Variants in DAB1 observed in about 807,000 individuals in gnomAD.
DAB1 encodes disabled homolog 1.
Under a neutral mutation model 64.6 loss-of-function variants are expected in DAB1, and 15 were observed. That is an observed-to-expected ratio of 0.23 (90% CI 0.16 to 0.36). The LOEUF (loss-of-function observed/expected upper bound fraction) is 0.36. Among genes scored for constraint, DAB1 ranks in the 10% least tolerant of loss-of-function variants. The pLI is 1.00. For synonymous variants in DAB1, 235 were observed against 251.9 expected (o/e 0.93, Z 0.64); for missense variants, 596 against 706.7 (o/e 0.84, Z 1.78).
chr1:57,252,158 C>T (rs939119575), intron 2 of DAB1, among the ~76,000 whole-genome samples: 8 of 152,190 alleles, frequency 5.3e-5, no homozygotes, highest in African/African-American at 7.2e-5. Flanking sequence ...TGTAAAGATA[C>T]ATTCATTTGC....
At chr1:58,135,336 G>C (rs933007750) in intron 5 of DAB1, among the ~76,000 whole-genome samples, 1 of 152,126 alleles carries the variant, frequency 6.6e-6, no homozygotes, top group Non-Finnish European at 1.5e-5. Flanking sequence ...GGTTATTATA[G>C]ACAATCAATT....
chr1:58,372,623 T>C (rs1186861170), intron 3 of DAB1, among the ~76,000 whole-genome samples: 1 of 152,170 alleles, frequency 6.6e-6, no homozygotes, highest in Admixed American at 6.5e-5. Context: ...TGTCTCTATC[T>C]CTCCACCCAA....
At chr1:58,136,603 T>C (rs1179981149) in intron 5 of DAB1, among the ~76,000 whole-genome samples, 1 of 152,222 alleles carries the variant, frequency 6.6e-6, no homozygotes, top group Admixed American at 6.5e-5. Context: ...ATTGAAAGCA[T>C]TAACTGCAAA....
At position 57,147,034 on chromosome 1, in the gene DAB1, C is replaced by CT. The variant is rs71681386; in HGVS notation, c.68-1606dup. Among the ~76,000 whole-genome samples the CT allele has an allele frequency of 2.1e-3, 305 of 143,560 alleles. 2 individuals carry two copies. The highest frequency in any genetic ancestry group is 8.5e-3 in the Admixed American group (122 of 14,360). The allele number at this position is 143,560 out of a possible 152,430, so 94.2% of individuals were successfully genotyped here. ...AAATGGTAGCTGTCCCACTGTTTTTCTTTTTTTTTTTTTTGAAACAGTATC... is the reference window on the plus strand; with the variant it reads ...AAATGGTAGCTGTCCCACTGTTTTTCTTTTTTTTTTTTTTTGAAACAGTATC... On this transcript the variant is annotated intron_variant, in intron 2 of 14. Coordinates refer to ENST00000371236, the MANE Select transcript of DAB1 (RefSeq NM_001365792.1).
intron 5 of DAB1, among the ~76,000 whole-genome samples, chr1:57,961,358 T>G (rs1645517013): frequency 6.6e-6 from 1 of 152,160 alleles, no homozygotes; most frequent in African/African-American, 2.4e-5. Context: ...ACCTCTAAAC[T>G]TTTCAATTTC....
intron 1 of DAB1, chr1:57,862,881 A>G (rs1489459531): frequency 1.3e-5 from 2 of 152,200 alleles, no homozygotes; most frequent in Non-Finnish European, 2.9e-5. Context: ...AACTTTTTAA[A>G]CAGTTGAAAA....
intron 7 of DAB1, among the ~76,000 whole-genome samples, chr1:57,553,420 AAG>A (rs1216159604): frequency 9.9e-4 from 15 of 15,186 alleles, no homozygotes; most frequent in Non-Finnish European, 1.3e-3. Context: ...GAAAGAAAGA[AAG>A]AAAGAAAGAA....
At chr1:57,867,651 T>C (rs531593906) in intron 1 of DAB1, among the ~76,000 whole-genome samples, 6 of 152,236 alleles carry the variant, frequency 3.9e-5, no homozygotes, top group South Asian at 4.1e-4. Flanking sequence ...CTCTCCACAA[T>C]TAATCTGAAT....
chr1:57,365,802 T>C lies in DAB1; in HGVS notation c.-137+58128A>G, dbSNP rs574964070. ...GTCTTGCTAGAGGTTGCACAGACAT[T>C]TATACGGGCAGAAGTAGATGATCTG... On this transcript the variant is annotated intron_variant, in intron 1 of 14. Transcript: ENST00000371236. 2.0e-4 allele frequency among the ~76,000 whole-genome samples: 31 copies of C among 152,304 alleles called. 1 individual carries two copies. The South Asian group carries it at 6.4e-3, about 32-fold the overall frequency.
intron 5 of DAB1, among the ~76,000 whole-genome samples, chr1:58,118,503 T>TATATATATATATATATAC (rs1341446315): frequency 9.4e-5 from 5 of 53,104 alleles, no homozygotes; most frequent in African/African-American, 1.0e-4. Context: ...TATATATATA[T>TATATATATATATATATAC]ACACACACAC....
At chr1:57,011,059 T>G in intron 13 of DAB1, 86 bp downstream of exon 13, 1 of 1,532,278 alleles carries the variant, frequency 6.5e-7, no homozygotes, top group South Asian at 1.2e-5. Context: ...CTTTTCTATG[T>G]AGGCTTCCTC....
chr1:58,015,194 T>C (rs1646721448), intron 5 of DAB1, among the ~76,000 whole-genome samples: 1 of 152,192 alleles, frequency 6.6e-6, no homozygotes, highest in African/African-American at 2.4e-5. Flanking sequence ...CCCAGCATTA[T>C]GCCTTTGGCC....
intron 2 of DAB1, among the ~76,000 whole-genome samples, chr1:57,204,080 A>T (rs942250034): frequency 6.6e-6 from 1 of 152,038 alleles, no homozygotes; most frequent in African/African-American, 2.4e-5. Context: ...AGTAGAGATG[A>T]GGTTTCACCA....
At chr1:57,851,730 T>C (rs2101928396) in intron 1 of DAB1, among the ~76,000 whole-genome samples, 1 of 152,344 alleles carries the variant, frequency 6.6e-6, no homozygotes, top group African/African-American at 2.4e-5. Flanking sequence ...GTTCTCCCAG[T>C]GCTGGTGGTG....
At chr1:58,504,126 G>C (rs903562650) in intron 3 of DAB1, among the ~76,000 whole-genome samples, 1 of 152,086 alleles carries the variant, frequency 6.6e-6, no homozygotes, top group Non-Finnish European at 1.5e-5. Context: ...TAAAACATGA[G>C]TCAAATCAAG....
intron 5 of DAB1, among the ~76,000 whole-genome samples, chr1:58,134,669 C>T (rs79283329): frequency 0.19 from 29,572 of 152,016 alleles, 3,070 homozygotes; most frequent in East Asian, 0.36. Context: ...GTGAAGGGGA[C>T]GGTGATACAC....
intron 2 of DAB1, among the ~76,000 whole-genome samples, chr1:58,515,466 A>G (rs190313871): frequency 1.6e-4 from 24 of 152,302 alleles, no homozygotes; most frequent in Middle Eastern, 3.4e-3. Context: ...CCTCTATCTT[A>G]GGTAAAGTTT....
intron 6 of DAB1, among the ~76,000 whole-genome samples, chr1:57,813,808 G>A (rs1169755096): frequency 6.6e-6 from 1 of 152,154 alleles, no homozygotes; most frequent in Non-Finnish European, 1.5e-5. Flanking sequence ...TTATTGCATC[G>A]AAGCCTTATA....
Position 58,117,683 on chromosome 1 carries a change from C to T in DAB1, n.387+32828G>A, listed in dbSNP as rs530064327. 2.8e-4 allele frequency among the ~76,000 whole-genome samples: 43 copies of T among 152,110 alleles called. No individual in the cohort carries two copies. The Middle Eastern group carries it at 0.01, about 36-fold the overall frequency. On this transcript the variant is annotated intron_variant and non_coding_transcript_variant, in intron 5 of 20. Transcript: ENST00000485760. ...TATAGTCCTGAAGGCAAGTTTGATG[C>T]CTTATGGTAGCCTTGTTATGGCTGA...
Sources: allele counts gnomAD v4.1 joint callset (sites outside exome capture counted in the v4.1 genomes callset), GRCh38; gene constraint gnomAD v4.1.1; transcripts MANE v1.5; gene names NCBI Gene and HGNC (gene_info 2026-07-23, HGNC 2026-07-21).